The following TAFA1 variants were observed in gnomAD, a reference collection of about 807,000 sequenced individuals.
TAFA1 encodes chemokine-like protein TAFA-1.
In TAFA1, 4 loss-of-function variants were observed where a neutral mutation model predicts 18.5. The ratio of observed to expected loss-of-function variants is 0.22; its 90% CI spans 0.11 to 0.49. The LOEUF is 0.49. Ranked by LOEUF, TAFA1 falls within the 20% of genes least tolerant of loss-of-function variation. The pLI is 0.98. For missense variants in TAFA1, 147 were observed against 169.0 expected, an observed-to-expected ratio of 0.87 and a Z score of 0.72; for synonymous variants, 56 against 55.2, an observed-to-expected ratio of 1.01 and a Z score of -0.06.
chr3:68,103,770 C>G (rs1175508423), intron 2 of TAFA1, among the ~76,000 whole-genome samples: 1 of 152,170 alleles, frequency 6.6e-6, no homozygotes, highest in Non-Finnish European at 1.5e-5. Context: ...GTGCCAGGCT[C>G]TGTCCTAAAC....
chr3:68,158,979 G>C (rs746021259), intron 2 of TAFA1, among the ~76,000 whole-genome samples: 1 of 152,158 alleles, frequency 6.6e-6, no homozygotes, highest in Non-Finnish European at 1.5e-5. Flanking sequence ...CATGGCTTTT[G>C]TTCAATCTCC....
intron 3 of TAFA1, among the ~76,000 whole-genome samples, chr3:68,521,528 C>T (rs556395456): frequency 9.5e-4 from 145 of 152,084 alleles, no homozygotes; most frequent in African/African-American, 9.6e-4. Flanking sequence ...ATTTAAAATA[C>T]GTGAGGAAAT....
At chr3:68,086,629 C>T (rs1028463581) in intron 2 of TAFA1, among the ~76,000 whole-genome samples, 2 of 152,060 alleles carry the variant, frequency 1.3e-5, no homozygotes, top group Non-Finnish European at 2.9e-5. Flanking sequence ...TATCTTTATT[C>T]TATAATGAGA....
chr3:68,381,803 C>G (rs1176128677), intron 2 of TAFA1, among the ~76,000 whole-genome samples: 1 of 152,156 alleles, frequency 6.6e-6, no homozygotes, highest in Non-Finnish European at 1.5e-5. Flanking sequence ...ACTTCCAACA[C>G]TATGTTGAAT....
intron 3 of TAFA1, among the ~76,000 whole-genome samples, chr3:68,432,869 C>T (rs1460256121): frequency 6.6e-6 from 1 of 151,972 alleles, no homozygotes; most frequent in Non-Finnish European, 1.5e-5. Flanking sequence ...TACAGGTTGA[C>T]TTACCCCTGA....
At chr3:68,014,155 C>T (rs1704526518) in intron 2 of TAFA1, among the ~76,000 whole-genome samples, 1 of 152,156 alleles carries the variant, frequency 6.6e-6, no homozygotes, top group Non-Finnish European at 1.5e-5. Context: ...AAGAATGGAC[C>T]AATTGATTCA....
At chr3:68,099,972 A>C (rs2065129618) in intron 2 of TAFA1, among the ~76,000 whole-genome samples, 1 of 152,108 alleles carries the variant, frequency 6.6e-6, no homozygotes, top group African/African-American at 2.4e-5. Flanking sequence ...ATAAAGGTGG[A>C]AATAATAGAC....
At chr3:68,004,101 G>C (rs1368004406), upstream of TAFA1, 1 of 152,144 alleles carries the variant, frequency 6.6e-6, no homozygotes, top group Non-Finnish European at 1.5e-5. Context: ...GACTTCTAAT[G>C]TAATAAATCA....
intron 2 of TAFA1, among the ~76,000 whole-genome samples, chr3:68,169,830 C>A (rs1194992301): frequency 6.6e-6 from 1 of 152,150 alleles, no homozygotes; most frequent in Non-Finnish European, 1.5e-5. Context: ...AGATTGATGG[C>A]TGGGCAGCTT....
At chr3:68,187,539 A>T (rs2066286382) in intron 2 of TAFA1, among the ~76,000 whole-genome samples, 1 of 152,028 alleles carries the variant, frequency 6.6e-6, no homozygotes, top group Admixed American at 6.6e-5. Context: ...ATCTTTGCAC[A>T]GTATGATTAC....
Position 68,176,950 on chromosome 3 carries a change from C to T in TAFA1, c.118+170206C>T, listed in dbSNP as rs559658617. Reference sequence around the variant, plus strand: ...CAGTTGTTTATGATTCACTATATTGCTCATCTGGTTCTTGGTGGCATTTGA... The same window carrying T: ...CAGTTGTTTATGATTCACTATATTGTTCATCTGGTTCTTGGTGGCATTTGA... On this transcript the variant is annotated intron_variant, in intron 2 of 4. Coordinates refer to ENST00000478136, the MANE Select transcript of TAFA1 (RefSeq NM_213609.4). 2.6e-5 allele frequency among the ~76,000 whole-genome samples: 4 copies of T among 152,084 alleles called. No homozygotes were observed. The South Asian group carries it at 8.4e-4, about 32-fold the overall frequency.
chr3:68,429,310 T>A (rs1387856171), intron 3 of TAFA1, among the ~76,000 whole-genome samples: 1 of 151,952 alleles, frequency 6.6e-6, no homozygotes. Flanking sequence ...TGTGCCAGAC[T>A]CTGTGTATTG....
intron 2 of TAFA1, among the ~76,000 whole-genome samples, chr3:68,182,602 G>A (rs2066218721): frequency 6.6e-6 from 1 of 152,042 alleles, no homozygotes; most frequent in African/African-American, 2.4e-5. Context: ...ACATTAACAT[G>A]AACAACATCC....
At chr3:68,105,259 T>A (rs2065191003) in intron 2 of TAFA1, among the ~76,000 whole-genome samples, 1 of 152,096 alleles carries the variant, frequency 6.6e-6, no homozygotes, top group African/African-American at 2.4e-5. Flanking sequence ...GGAGGGGACA[T>A]TCAAAATATA....
chr3:68,468,580 G>A (rs1003886036), intron 3 of TAFA1, among the ~76,000 whole-genome samples: 3 of 152,100 alleles, frequency 2.0e-5, no homozygotes, highest in Non-Finnish European at 4.4e-5. Context: ...AACCCAAATC[G>A]GTCACACTGA....
chr3:68,426,132 C>T (rs138009303), intron 3 of TAFA1, among the ~76,000 whole-genome samples: 1 of 151,790 alleles, frequency 6.6e-6, no homozygotes, highest in East Asian at 1.9e-4. Flanking sequence ...TAAAAGTATG[C>T]ATATATTCCA....
intron 2 of TAFA1, among the ~76,000 whole-genome samples, chr3:68,236,353 C>T (rs1041264879): frequency 2.0e-5 from 3 of 152,186 alleles, no homozygotes; most frequent in Admixed American, 1.3e-4. Context: ...TATATTTCCA[C>T]AAGCCAGTGC....
At chr3:68,507,161 T>A (rs564950425) in intron 3 of TAFA1, among the ~76,000 whole-genome samples, 1 of 152,146 alleles carries the variant, frequency 6.6e-6, no homozygotes, top group South Asian at 2.1e-4. Flanking sequence ...AATGGCTGGA[T>A]TAGAACTTGA....
At chr3:68,418,413 C>G (rs536728689) in intron 3 of TAFA1, among the ~76,000 whole-genome samples, 54 of 150,170 alleles carry the variant, frequency 3.6e-4, no homozygotes, top group Non-Finnish European at 4.9e-4. Context: ...AAGGTAATGT[C>G]GTCACTTAAG....
Sources: gnomAD v4.1 joint callset for allele counts (sites outside exome capture counted in the v4.1 genomes callset) on GRCh38, gnomAD v4.1.1 for gene constraint, MANE v1.5 for transcripts, NCBI Gene and HGNC (gene_info 2026-07-23, HGNC 2026-07-21) for gene names.